The following EYS variants were observed in gnomAD, a reference collection of about 807,000 sequenced individuals.
EYS encodes the protein protein eyes shut homolog.
EYS carries 250 observed loss-of-function variants against 282.1 expected under a neutral mutation model. The ratio of observed to expected loss-of-function variants is 0.89; its 90% CI spans 0.80 to 0.98. EYS has a LOEUF of 0.98. Among genes scored for constraint, EYS ranks in the 50% least tolerant of loss-of-function variants. The pLI is 0.00. For missense variants in EYS, 4,016 were observed against 3,709.0 expected (o/e 1.08, Z -2.15); for synonymous variants, 1,355 against 1,282.9 (o/e 1.06, Z -1.20).
chr6:64,617,329 C>A, intron 24 of EYS, 89 bp downstream of exon 24: 1 of 860,266 alleles, frequency 1.2e-6, no homozygotes, highest in South Asian at 1.5e-5. Flanking sequence ...CTACTCCGAC[C>A]TTATTTTTCA....
intron 2 of EYS, among the ~76,000 whole-genome samples, chr6:65,506,478 T>G (rs1310210217): frequency 4.5e-5 from 1 of 22,358 alleles, no homozygotes; most frequent in Non-Finnish European, 1.1e-4. Flanking sequence ...TTTTTTTTTT[T>G]TTTTTTTTTT....
chr6:63,981,377 A>G (rs1192190730), intron 35 of EYS, among the ~76,000 whole-genome samples: 1 of 151,620 alleles, frequency 6.6e-6, no homozygotes, highest in Non-Finnish European at 1.5e-5. Flanking sequence ...TCAAGAATTA[A>G]AAAAAAATTG....
chr6:64,874,831 C>A (rs1367939251), intron 19 of EYS, among the ~76,000 whole-genome samples: 1 of 151,952 alleles, frequency 6.6e-6, no homozygotes, highest in Non-Finnish European at 1.5e-5. Flanking sequence ...GTATTTTGAG[C>A]CTGAACGTGC....
At chr6:64,787,535 T>C (rs1774062541) in intron 22 of EYS, among the ~76,000 whole-genome samples, 1 of 151,870 alleles carries the variant, frequency 6.6e-6, no homozygotes. Flanking sequence ...GTCTCATTAT[T>C]CTGATTGTTT....
At chr6:65,116,177 T>C (rs1775368212) in intron 12 of EYS, among the ~76,000 whole-genome samples, 1 of 152,084 alleles carries the variant, frequency 6.6e-6, no homozygotes, top group Non-Finnish European at 1.5e-5. Context: ...AACTTATGAG[T>C]TGTTTAAAGT....
At chr6:64,314,193 G>GAAAAAAA (rs1769841355) in intron 29 of EYS, among the ~76,000 whole-genome samples, 3 of 10,586 alleles carry the variant, frequency 2.8e-4, no homozygotes, top group South Asian at 2.5e-3. Context: ...CAAATGGAAA[G>GAAAAAAA]CAAAAAAAAA....
intron 41 of EYS, among the ~76,000 whole-genome samples, chr6:63,753,643 C>G (rs948521787): frequency 5.9e-5 from 9 of 152,006 alleles, no homozygotes; most frequent in Non-Finnish European, 1.2e-4. Context: ...GAAAACTGCC[C>G]CACATGATCC....
chr6:64,082,061 TA>T (rs1223414503), intron 31 of EYS, 59 bp from the exon 32 acceptor site: 6 of 1,176,952 alleles, frequency 5.1e-6, no homozygotes, highest in African/African-American at 1.6e-5. Flanking sequence ...CTCAAGTAGA[TA>T]AAAACTTAGC....
At chr6:65,618,341 T>C (rs2149799799) in intron 2 of EYS, among the ~76,000 whole-genome samples, 1 of 152,388 alleles carries the variant, frequency 6.6e-6, no homozygotes, top group East Asian at 1.9e-4. Context: ...TTCGGCTGCA[T>C]GAATGTCTTC....
At chr6:65,022,661 C>T (rs1772283875) in intron 13 of EYS, among the ~76,000 whole-genome samples, 1 of 149,618 alleles carries the variant, frequency 6.7e-6, no homozygotes, top group Non-Finnish European at 1.5e-5. Context: ...AAAAGAAGTA[C>T]ATATATAAAA....
intron 13 of EYS, among the ~76,000 whole-genome samples, chr6:65,009,772 A>C (rs1338609524): frequency 3.3e-5 from 5 of 152,164 alleles, no homozygotes; most frequent in Non-Finnish European, 1.5e-5. Flanking sequence ...GTTTCCAAAC[A>C]AAAGGCTCAG....
At chr6:65,008,669 C>T (rs1771768550) in intron 13 of EYS, among the ~76,000 whole-genome samples, 1 of 152,184 alleles carries the variant, frequency 6.6e-6, no homozygotes, top group African/African-American at 2.4e-5. Context: ...CTGGAAGGCC[C>T]ACTGCCCCAA....
chr6:64,479,669 T>C (rs559891447), intron 26 of EYS, among the ~76,000 whole-genome samples: 7 of 151,942 alleles, frequency 4.6e-5, no homozygotes, highest in Non-Finnish European at 1.0e-4. Context: ...TTTAAAGCAT[T>C]TTAAACCAGA....
At chr6:64,920,288 A>G (rs2150081149) in intron 15 of EYS, among the ~76,000 whole-genome samples, 1 of 152,284 alleles carries the variant, frequency 6.6e-6, no homozygotes, top group South Asian at 2.1e-4. Context: ...TGAAGCTACT[A>G]TTCTGTAAGT....
At chr6:65,101,988 T>C (rs1386873713) in intron 12 of EYS, among the ~76,000 whole-genome samples, 1 of 151,314 alleles carries the variant, frequency 6.6e-6, no homozygotes, top group Non-Finnish European at 1.5e-5. Flanking sequence ...AACTGTTTTA[T>C]CTAGGAGTAT....
chr6:65,632,184 A>C (rs1405667042), intron 2 of EYS, among the ~76,000 whole-genome samples: 1 of 152,166 alleles, frequency 6.6e-6, no homozygotes, highest in Non-Finnish European at 1.5e-5. Context: ...GGAGTTTATG[A>C]AAGTGCCTGT....
intron 31 of EYS, among the ~76,000 whole-genome samples, chr6:64,211,222 A>G (rs1203047995): frequency 1.3e-5 from 2 of 152,186 alleles, no homozygotes; most frequent in Admixed American, 6.5e-5. Context: ...CTGCCTAATG[A>G]CATTACTCCA....
intron 35 of EYS, among the ~76,000 whole-genome samples, chr6:63,923,332 C>A (rs914049056): frequency 2.0e-5 from 3 of 152,026 alleles, no homozygotes; most frequent in Non-Finnish European, 4.4e-5. Flanking sequence ...ATACTACCCA[C>A]CATACACTAG....
At chr6:63,950,703 A>T (rs899354937) in intron 35 of EYS, among the ~76,000 whole-genome samples, 11 of 152,158 alleles carry the variant, frequency 7.2e-5, no homozygotes, top group Admixed American at 1.3e-4. Flanking sequence ...TCCTCAGACC[A>T]ACCAGCCCAA....
Sources: gnomAD v4.1 joint callset for allele counts (sites outside exome capture counted in the v4.1 genomes callset) on GRCh38, gnomAD v4.1.1 for gene constraint, MANE v1.5 for transcripts, NCBI Gene and HGNC (gene_info 2026-07-23, HGNC 2026-07-21) for gene names.